KCNJ6: variants seen among roughly 807,000 people sequenced by gnomAD.
KCNJ6 encodes potassium inwardly rectifying channel subfamily J member 6.
A neutral mutation model predicts 34.2 loss-of-function variants in KCNJ6; 9 were observed. That is an observed-to-expected ratio of 0.26 (90% CI 0.16 to 0.46). KCNJ6 has a LOEUF of 0.46. Ranked by LOEUF, KCNJ6 falls within the 20% of genes least tolerant of loss-of-function variation. KCNJ6 has a pLI of 1.00. For missense variants in KCNJ6, 236 were observed against 531.3 expected, an observed-to-expected ratio of 0.44 and a Z score of 5.46; for synonymous variants, 196 against 207.1, an observed-to-expected ratio of 0.95 and a Z score of 0.46.
intron 2 of KCNJ6, among the ~76,000 whole-genome samples, chr21:37,731,283 T>C (rs144493284): frequency 1.3e-4 from 20 of 152,140 alleles, no homozygotes; most frequent in African/African-American, 4.6e-4. Context: ...GGGATATGGG[T>C]CAACACTAGA....
At chr21:37,723,790 G>T (rs2054839319) in intron 2 of KCNJ6, among the ~76,000 whole-genome samples, 1 of 152,142 alleles carries the variant, frequency 6.6e-6, no homozygotes, top group African/African-American at 2.4e-5. Context: ...GGGCTCAAGG[G>T]TTGAAAACCT....
intron 1 of KCNJ6, among the ~76,000 whole-genome samples, chr21:37,887,768 G>A (rs1029225704): frequency 2.0e-5 from 3 of 152,214 alleles, no homozygotes; most frequent in African/African-American, 7.2e-5. Flanking sequence ...CAAAGATCCT[G>A]AGGTTAGAAC....
intron 1 of KCNJ6, among the ~76,000 whole-genome samples, chr21:37,884,302 G>C (rs1201562450): frequency 6.6e-6 from 1 of 152,270 alleles, no homozygotes; most frequent in East Asian, 1.9e-4. Context: ...GGAGGCACAG[G>C]TGTTCACCTT....
chr21:37,655,749 TGCA>T (rs200373910), intron 3 of KCNJ6, among the ~76,000 whole-genome samples: 1,783 of 152,304 alleles, frequency 0.012, 32 homozygotes, highest in African/African-American at 0.04. Context: ...ATGACTCCCA[TGCA>T]TGGGGAAGCA....
intron 3 of KCNJ6, among the ~76,000 whole-genome samples, chr21:37,636,079 A>G (rs1384732566): frequency 6.6e-6 from 1 of 152,164 alleles, no homozygotes; most frequent in Non-Finnish European, 1.5e-5. Context: ...TGGAGTACTG[A>G]TGTCTGAGGG....
chr21:37,762,551 T>G (rs2055070977), intron 2 of KCNJ6, among the ~76,000 whole-genome samples: 1 of 152,194 alleles, frequency 6.6e-6, no homozygotes. Context: ...CGTTTCTTTT[T>G]TCGGCAGCCT....
chr21:37,837,133 T>G (rs1388302214), intron 2 of KCNJ6, among the ~76,000 whole-genome samples: 1 of 152,212 alleles, frequency 6.6e-6, no homozygotes. Flanking sequence ...ATTTTCTCTA[T>G]GCTTTGTGCG....
intron 1 of KCNJ6, among the ~76,000 whole-genome samples, chr21:37,852,618 C>T (rs1177693678): frequency 2.6e-5 from 4 of 152,236 alleles, no homozygotes; most frequent in South Asian, 4.2e-4. Context: ...TCAATAAGAT[C>T]CAGAATCTTA....
At chr21:37,768,670 T>A (rs933950772) in intron 2 of KCNJ6, among the ~76,000 whole-genome samples, 4 of 152,222 alleles carry the variant, frequency 2.6e-5, no homozygotes. Flanking sequence ...ATATACACTC[T>A]TAGATGTAGC....
chr21:37,609,039 G>A lies in KCNJ6; in HGVS notation c.*16120C>T, dbSNP rs1247340011. 6.6e-6 allele frequency: 1 copy of A among 152,136 alleles called. No individual in the cohort carries two copies. The highest frequency in any genetic ancestry group is 1.5e-5 in the Non-Finnish European group (1 of 68,042). The allele number at this position is 152,136 out of a possible 1,614,324, so 9.4% of individuals were successfully genotyped here. On this transcript the variant is annotated 3_prime_UTR_variant, in exon 4 of 4. Coordinates refer to ENST00000609713, the MANE Select transcript of KCNJ6 (RefSeq NM_002240.5). ...GACGAGCTTCATGAACCTTGAAAAT[G>A]GAACACTTTATTTCTCTGTAGGATG...
chr21:37,708,810 A>G (rs2054734862), intron 3 of KCNJ6, among the ~76,000 whole-genome samples: 1 of 152,232 alleles, frequency 6.6e-6, no homozygotes, highest in Non-Finnish European at 1.5e-5. Flanking sequence ...GATTTGAAAA[A>G]TGTAGCAGCT....
intron 3 of KCNJ6, among the ~76,000 whole-genome samples, chr21:37,687,209 G>C (rs1344115106): frequency 6.6e-6 from 1 of 152,072 alleles, no homozygotes; most frequent in Non-Finnish European, 1.5e-5. Flanking sequence ...TGCTGGAAGG[G>C]AGAAAGGCTA....
intron 1 of KCNJ6, among the ~76,000 whole-genome samples, chr21:37,863,049 T>C (rs1471957290): frequency 1.3e-5 from 2 of 152,216 alleles, no homozygotes; most frequent in African/African-American, 4.8e-5. Context: ...ACACTCGACA[T>C]TCACAGCAGA....
chr21:37,801,511 C>T (rs538092782), intron 2 of KCNJ6, among the ~76,000 whole-genome samples: 122 of 152,226 alleles, frequency 8.0e-4, no homozygotes, highest in Non-Finnish European at 1.2e-3. Context: ...TTCACCCTCA[C>T]GGGCAGCCCC....
intron 2 of KCNJ6, among the ~76,000 whole-genome samples, chr21:37,753,924 T>C (rs986844756): frequency 6.6e-6 from 1 of 152,194 alleles, no homozygotes; most frequent in African/African-American, 2.4e-5. Context: ...GTCTATTACA[T>C]TGAGAACAAG....
intron 2 of KCNJ6, among the ~76,000 whole-genome samples, chr21:37,764,020 T>G (rs999706211): frequency 6.9e-6 from 1 of 145,574 alleles, no homozygotes; most frequent in Non-Finnish European, 1.5e-5. Context: ...AAGGCCATGT[T>G]TGTCTAGGAG....
chr21:37,889,612 G>T (rs2055752286), intron 1 of KCNJ6, among the ~76,000 whole-genome samples: 1 of 152,184 alleles, frequency 6.6e-6, no homozygotes, highest in Non-Finnish European at 1.5e-5. Context: ...CTGGAGGCCA[G>T]AAGCCCCAAA....
intron 1 of KCNJ6, among the ~76,000 whole-genome samples, chr21:37,905,356 C>G (rs894435327): frequency 2.0e-5 from 3 of 152,190 alleles, no homozygotes; most frequent in Non-Finnish European, 2.9e-5. Flanking sequence ...TTTCCAAGAG[C>G]TATGAGCTCA....
intron 3 of KCNJ6, among the ~76,000 whole-genome samples, chr21:37,698,258 TCTC>T (rs1236648109): frequency 1.3e-5 from 2 of 152,174 alleles, no homozygotes; most frequent in South Asian, 4.1e-4. Context: ...AATGATCTCA[TCTC>T]CTCATGGACT....
Sources: allele counts gnomAD v4.1 joint callset (sites outside exome capture counted in the v4.1 genomes callset), GRCh38; gene constraint gnomAD v4.1.1; transcripts MANE v1.5; gene names NCBI Gene and HGNC (gene_info 2026-07-23, HGNC 2026-07-21).